RECK: variants seen among roughly 807,000 people sequenced by gnomAD.
RECK encodes reversion inducing cysteine rich protein with kazal motifs.
A neutral mutation model predicts 115.1 loss-of-function variants in RECK; 69 were observed. The observed-to-expected ratio is 0.60, with a 90% CI of 0.49 to 0.73. The LOEUF (loss-of-function observed/expected upper bound fraction) is 0.73. Among genes scored for constraint, RECK ranks in the 30% least tolerant of loss-of-function variants. The pLI, the probability that RECK is intolerant of heterozygous loss-of-function variation, is 0.00. For synonymous variants in RECK, 414 were observed against 419.7 expected, an observed-to-expected ratio of 0.99 and a Z score of 0.17; for missense variants, 1,047 against 1,203.7, an observed-to-expected ratio of 0.87 and a Z score of 1.93.
At chr9:36,086,911 C>T (rs1286355488) in intron 8 of RECK, among the ~76,000 whole-genome samples, 1 of 152,118 alleles carries the variant, frequency 6.6e-6, no homozygotes, top group East Asian at 1.9e-4. Flanking sequence ...TATCAAATAC[C>T]TCTCCTGTGA....
Position 36,108,069 on chromosome 9 carries a change from T to C in RECK, c.1670T>C (p.Ile557Thr). Residue 557 changes from isoleucine to threonine, a missense_variant, in exon 14 of 21, where the codon ATC becomes ACC. Ile to Thr is a moderately conservative substitution (Grantham distance 89). Transcript: ENST00000377966. Reference protein sequence around the residue: ...SSAGEVGCYKICSCGQSGLLE... With the variant: ...SSAGEVGCYKTCSCGQSGLLE... ...GCAGGGGAAGTTGGTTGTTATAAAA[T>C]CTGTTCATGTGGACAAAGTGGACTC... The C allele has an allele frequency of 6.2e-7, 1 of 1,614,052 alleles. No homozygotes were observed. Among genetic ancestry groups the C allele is most frequent in the Non-Finnish European group, 8.5e-7 (1 of 1,179,928 alleles).
intron 1 of RECK, among the ~76,000 whole-genome samples, chr9:36,050,410 A>T (rs1821240171): frequency 6.6e-6 from 1 of 152,146 alleles, no homozygotes; most frequent in Non-Finnish European, 1.5e-5. Flanking sequence ...ATATCCTGTC[A>T]GCTTTATATT....
chr9:36,083,009 G>A (rs1249039438), intron 7 of RECK, among the ~76,000 whole-genome samples: 1 of 152,172 alleles, frequency 6.6e-6, no homozygotes, highest in Non-Finnish European at 1.5e-5. Flanking sequence ...GGCATTTTGA[G>A]AGACAGTGTT....
In RECK at chr9:36,086,683, T is replaced by C. The variant is rs151106076; in HGVS notation, c.638-1011T>C. Among the ~76,000 whole-genome samples the C allele has an allele frequency of 3.1e-3, 468 of 152,224 alleles. 4 individuals carry two copies. The highest frequency in any genetic ancestry group is 0.011 in the African/African-American group (448 of 41,548). ...TGCTGATTGGTCTATTTTTACAGAG[T>C]GCTGATTGCTACCTTTACAAACCTT... On this transcript the variant is annotated intron_variant, in intron 8 of 20. Coordinates refer to ENST00000377966, the MANE Select transcript of RECK (RefSeq NM_021111.3).
At chr9:36,098,380 T>C (rs1317395251) in intron 10 of RECK, among the ~76,000 whole-genome samples, 1 of 152,222 alleles carries the variant, frequency 6.6e-6, no homozygotes, top group Non-Finnish European at 1.5e-5. Flanking sequence ...ATCTAGTTCA[T>C]TAAAGGCTTC....
At chr9:36,054,499 T>TAAAAAAAAAAAAAA (rs56001338) in intron 2 of RECK, among the ~76,000 whole-genome samples, 1 of 127,188 alleles carries the variant, frequency 7.9e-6, no homozygotes. Context: ...GCCCTTAGTT[T>TAAAAAAAAAAAAAA]AAAAAAAAAA....
chr9:36,073,160 TA>T (rs1458377040), intron 6 of RECK, among the ~76,000 whole-genome samples: 1 of 151,146 alleles, frequency 6.6e-6, no homozygotes, highest in Non-Finnish European at 1.5e-5. Context: ...AATTGATTAT[TA>T]CTTTCTCTAC....
intron 6 of RECK, among the ~76,000 whole-genome samples, chr9:36,073,481 C>T (rs539186091): frequency 6.6e-6 from 1 of 152,246 alleles, no homozygotes; most frequent in Non-Finnish European, 1.5e-5. Context: ...CTTTCAGATC[C>T]TCAGGTATTG....
chr9:36,108,428 A>C (rs1216690647), intron 14 of RECK, among the ~76,000 whole-genome samples: 1 of 152,190 alleles, frequency 6.6e-6, no homozygotes, highest in Non-Finnish European at 1.5e-5. Flanking sequence ...GCCTTACATT[A>C]TCTCATTAAA....
chr9:36,064,382 C>T (rs540133141), intron 5 of RECK, among the ~76,000 whole-genome samples: 12 of 152,288 alleles, frequency 7.9e-5, no homozygotes, highest in Admixed American at 5.2e-4. Context: ...TGCCCCAATT[C>T]AGCTTAGGTG....
chr9:36,066,218 C>T (rs1027985692), intron 6 of RECK, among the ~76,000 whole-genome samples: 1 of 152,102 alleles, frequency 6.6e-6, no homozygotes, highest in Non-Finnish European at 1.5e-5. Flanking sequence ...TTACACCATA[C>T]AAATATGTGC....
At chr9:36,118,301 TG>T (rs1355554760) in intron 17 of RECK, among the ~76,000 whole-genome samples, 3 of 152,164 alleles carry the variant, frequency 2.0e-5, no homozygotes, top group Admixed American at 2.0e-4. Flanking sequence ...CTGACCTACC[TG>T]TTGGCTCCAG....
At chr9:36,120,051 G>T (rs918691302) in intron 18 of RECK, among the ~76,000 whole-genome samples, 1 of 151,952 alleles carries the variant, frequency 6.6e-6, no homozygotes, top group African/African-American at 2.4e-5. Context: ...TGACTAACAC[G>T]GTGAAACCCT....
intron 2 of RECK, among the ~76,000 whole-genome samples, chr9:36,054,780 T>TA (rs1821456081): frequency 6.6e-6 from 1 of 152,198 alleles, no homozygotes; most frequent in East Asian, 1.9e-4. Flanking sequence ...GTCTTACCTG[T>TA]ATATATTATG....
chr9:36,118,681 G>A, intron 17 of RECK, 76 bp from the exon 18 acceptor site: 1 of 1,348,504 alleles, frequency 7.4e-7, no homozygotes, highest in Non-Finnish European at 1.0e-6. Context: ...AAAATAGGGA[G>A]GCATGCTGTG....
intron 15 of RECK, among the ~76,000 whole-genome samples, chr9:36,111,335 T>G (rs1165211485): frequency 6.6e-6 from 1 of 152,236 alleles, no homozygotes; most frequent in Non-Finnish European, 1.5e-5. Flanking sequence ...AAAATTACAG[T>G]AATTTTCTAA....
At chr9:36,084,782 T>C (rs1444825260) in intron 8 of RECK, among the ~76,000 whole-genome samples, 5 of 151,996 alleles carry the variant, frequency 3.3e-5, no homozygotes, top group African/African-American at 1.2e-4. Flanking sequence ...TTGGCCAGCA[T>C]AGTGACTCAC....
chr9:36,113,493 A>G (rs1487777861), intron 16 of RECK, among the ~76,000 whole-genome samples: 2 of 152,264 alleles, frequency 1.3e-5, no homozygotes, highest in Admixed American at 1.3e-4. Flanking sequence ...GTTGGGAGGT[A>G]GAATTGAGGA....
chr9:36,118,650 C>T, intron 17 of RECK, 107 bp from the exon 18 acceptor site: 1 of 1,056,246 alleles, frequency 9.5e-7, no homozygotes, highest in Non-Finnish European at 1.4e-6. Flanking sequence ...TAATTTATAC[C>T]TGTGTCTTTT....
Sources: allele counts gnomAD v4.1 joint callset (sites outside exome capture counted in the v4.1 genomes callset), GRCh38; gene constraint gnomAD v4.1.1; transcripts MANE v1.5; gene names NCBI Gene and HGNC (gene_info 2026-07-23, HGNC 2026-07-21).